The following CDH18 variants were observed in gnomAD, a reference collection of about 807,000 sequenced individuals.
CDH18 encodes cadherin 18, also known as cadherin-18.
Under a neutral mutation model 67.9 loss-of-function variants are expected in CDH18, and 31 were observed. That is an observed-to-expected ratio of 0.46 (90% CI 0.34 to 0.62). The LOEUF (loss-of-function observed/expected upper bound fraction) is 0.62, where lower values mean the gene tolerates loss of function less well. Among genes scored for constraint, CDH18 ranks in the 20% least tolerant of loss-of-function variants. The pLI, the probability that CDH18 is intolerant of heterozygous loss-of-function variation, is 0.01. For missense variants in CDH18, 890 were observed against 975.5 expected (o/e 0.91, Z 1.17); for synonymous variants, 362 against 347.2 (o/e 1.04, Z -0.48).
intron 5 of CDH18, among the ~76,000 whole-genome samples, chr5:19,706,664 G>A (rs183206278): frequency 2.5e-3 from 378 of 152,256 alleles, no homozygotes; most frequent in Non-Finnish European, 4.6e-3. Context: ...TTGCAGTGAT[G>A]GGCATTCCAG....
chr5:19,608,908 C>G (rs1226866676), intron 6 of CDH18, among the ~76,000 whole-genome samples: 1 of 151,774 alleles, frequency 6.6e-6, no homozygotes, highest in Non-Finnish European at 1.5e-5. Flanking sequence ...ACTTATCTTA[C>G]AAGAGCAATC....
chr5:20,253,683 C>G (rs570030772), intron 2 of CDH18, among the ~76,000 whole-genome samples: 1 of 152,160 alleles, frequency 6.6e-6, no homozygotes, highest in African/African-American at 2.4e-5. Context: ...GGAATTAACT[C>G]AGTCAGACAA....
At chr5:20,539,180 C>A (rs778738885) in intron 1 of CDH18, among the ~76,000 whole-genome samples, 3 of 151,968 alleles carry the variant, frequency 2.0e-5, no homozygotes, top group African/African-American at 7.3e-5. Flanking sequence ...TGTGAGCCAC[C>A]GCACTGGGTG....
At chr5:20,137,864 C>T (rs1432376772) in intron 2 of CDH18, among the ~76,000 whole-genome samples, 1 of 152,090 alleles carries the variant, frequency 6.6e-6, no homozygotes, top group Non-Finnish European at 1.5e-5. Flanking sequence ...TATGGATTCA[C>T]AGCCGAATTC....
At chr5:19,673,990 A>G (rs982042305) in intron 5 of CDH18, among the ~76,000 whole-genome samples, 1 of 152,044 alleles carries the variant, frequency 6.6e-6, no homozygotes, top group African/African-American at 2.4e-5. Context: ...ACCTAAACAA[A>G]TCAAATTTAA....
intron 1 of CDH18, chr5:20,305,057 T>G (rs1283625636): frequency 6.9e-6 from 11 of 1,602,716 alleles, no homozygotes; most frequent in Non-Finnish European, 8.5e-6. Context: ...CCATTAGTTT[T>G]GGGATTTGAA....
At chr5:20,095,076 G>A (rs557521608) in intron 2 of CDH18, among the ~76,000 whole-genome samples, 1 of 151,990 alleles carries the variant, frequency 6.6e-6, no homozygotes, top group Non-Finnish European at 1.5e-5. Flanking sequence ...AACACCACAT[G>A]TTCTCACTCA....
chr5:20,397,039 C>T (rs2150123949), intron 1 of CDH18, among the ~76,000 whole-genome samples: 1 of 152,144 alleles, frequency 6.6e-6, no homozygotes, highest in African/African-American at 2.4e-5. Context: ...TATTTTTCAG[C>T]CTTAAAAATA....
chr5:20,009,194 T>C (rs1030275363), intron 2 of CDH18, among the ~76,000 whole-genome samples: 3 of 152,076 alleles, frequency 2.0e-5, no homozygotes, highest in East Asian at 3.9e-4. Context: ...GGAAAGCCGA[T>C]GGGAGAAAAT....
At chr5:19,976,102 A>T (rs925241336) in intron 2 of CDH18, among the ~76,000 whole-genome samples, 2 of 152,208 alleles carry the variant, frequency 1.3e-5, no homozygotes, top group Middle Eastern at 3.4e-3. Context: ...TATTCTACTG[A>T]TTCTTATTGT....
chr5:20,380,598 A>G (rs960324963), intron 1 of CDH18, among the ~76,000 whole-genome samples: 1 of 152,176 alleles, frequency 6.6e-6, no homozygotes, highest in Non-Finnish European at 1.5e-5. Flanking sequence ...AGTTAATTTT[A>G]GGCACACAAC....
chr5:19,592,642 G>A (rs957608858), intron 6 of CDH18, among the ~76,000 whole-genome samples: 6 of 152,046 alleles, frequency 3.9e-5, no homozygotes, highest in African/African-American at 1.4e-4. Flanking sequence ...CTAATCTAGT[G>A]AATGTTGAAA....
chr5:19,502,961 T>C (rs772740413), intron 11 of CDH18, 31 bp downstream of exon 11: 8 of 1,226,136 alleles, frequency 6.5e-6, no homozygotes, highest in Admixed American at 5.0e-5. Context: ...AGATACCACA[T>C]AGATAAACAA....
At chr5:20,567,397 C>A (rs1380798953) in intron 1 of CDH18, among the ~76,000 whole-genome samples, 2 of 150,770 alleles carry the variant, frequency 1.3e-5, no homozygotes, top group Non-Finnish European at 3.0e-5. Context: ...ATGACAGCTA[C>A]TTATTGAGAA....
intron 10 of CDH18, among the ~76,000 whole-genome samples, chr5:19,514,617 T>C (rs574742464): frequency 3.9e-5 from 6 of 152,370 alleles, no homozygotes; most frequent in South Asian, 2.1e-4. Context: ...CATTTTTTCA[T>C]GCGTCTGTTG....
At chr5:20,525,129 C>A (rs1755970180) in intron 1 of CDH18, among the ~76,000 whole-genome samples, 1 of 152,130 alleles carries the variant, frequency 6.6e-6, no homozygotes, top group African/African-American at 2.4e-5. Context: ...CATTCTGTAG[C>A]TTTAACTCTG....
intron 6 of CDH18, among the ~76,000 whole-genome samples, chr5:19,596,751 T>C (rs13172413): frequency 6.6e-6 from 1 of 152,180 alleles, no homozygotes; most frequent in African/African-American, 2.4e-5. Flanking sequence ...AAAAACCTGA[T>C]AATTCTTGAC....
chr5:19,649,425 G>A (rs1407311171), intron 5 of CDH18, among the ~76,000 whole-genome samples: 6 of 151,816 alleles, frequency 4.0e-5, no homozygotes, highest in African/African-American at 7.3e-5. Flanking sequence ...TTAAATATTT[G>A]GAAGATTTTT....
intron 1 of CDH18, among the ~76,000 whole-genome samples, chr5:20,517,766 A>C (rs1482369426): frequency 6.6e-6 from 1 of 152,092 alleles, no homozygotes; most frequent in African/African-American, 2.4e-5. Context: ...ACCAAAGAAA[A>C]AATCTAAGTT....
Sources: gnomAD v4.1 joint callset for allele counts (sites outside exome capture counted in the v4.1 genomes callset) on GRCh38, gnomAD v4.1.1 for gene constraint, MANE v1.5 for transcripts, NCBI Gene and HGNC (gene_info 2026-07-23, HGNC 2026-07-21) for gene names.